Variants in CREBRF observed in about 807,000 individuals in gnomAD.
CREBRF encodes UPF0474 protein C5orf41.
CREBRF carries 5 observed loss-of-function variants against 66.1 expected under a neutral mutation model. The observed-to-expected ratio is 0.08, with a 90% CI of 0.04 to 0.16. CREBRF has a LOEUF of 0.16. Among genes scored for constraint, CREBRF ranks in the 10% least tolerant of loss-of-function variants. The pLI is 1.00. For synonymous variants in CREBRF, 229 were observed against 264.4 expected (o/e 0.87, Z 1.30); for missense variants, 531 against 744.9 (o/e 0.71, Z 3.34).
At chr5:173,084,685 A>G (rs1758077644) in intron 2 of CREBRF, among the ~76,000 whole-genome samples, 1 of 152,178 alleles carries the variant, frequency 6.6e-6, no homozygotes, top group Non-Finnish European at 1.5e-5. Flanking sequence ...TCAGTTGCCC[A>G]GGCTGGAGTG....
At chr5:173,064,154 C>G (rs1419000037) in intron 1 of CREBRF, among the ~76,000 whole-genome samples, 1 of 151,874 alleles carries the variant, frequency 6.6e-6, no homozygotes. Context: ...TTGAGGTGCT[C>G]CTTTTATAAA....
chr5:173,105,806 G>A (rs1004747908), intron 4 of CREBRF, among the ~76,000 whole-genome samples: 4 of 148,920 alleles, frequency 2.7e-5, no homozygotes, highest in Non-Finnish European at 4.5e-5. Flanking sequence ...TTTTAGTAGA[G>A]ATGGGGTTTC....
chr5:173,085,979 A>G (rs1445669325), intron 2 of CREBRF: 12 of 1,506,248 alleles, frequency 8.0e-6, no homozygotes, highest in Middle Eastern at 1.8e-4. Flanking sequence ...AAAACAGACT[A>G]GAAATACATC....
chr5:173,102,005 C>T (rs400858), intron 4 of CREBRF, among the ~76,000 whole-genome samples: 58,927 of 151,842 alleles, frequency 0.39, 12,143 homozygotes, highest in Non-Finnish European at 0.45. Flanking sequence ...GTTCCTCTAA[C>T]TGGATAATTT....
At chr5:173,074,272 G>T (rs979068753) in intron 1 of CREBRF, among the ~76,000 whole-genome samples, 4 of 146,502 alleles carry the variant, frequency 2.7e-5, no homozygotes, top group Non-Finnish European at 5.9e-5. Flanking sequence ...TTGCACTCCA[G>T]CCTAGGCAAC....
Position 173,138,845 on chromosome 5 carries a change from G to A in CREBRF, c.*5100G>A, listed in dbSNP as rs1312549964. On this transcript the variant is annotated 3_prime_UTR_variant, in exon 9 of 9. Transcript: ENST00000296953. ...AGGATTTGTCCTACAGCTTAGTATT[G>A]TGGTTGACAGCGATACTAGGGCTGA... The A allele has an allele frequency of 6.6e-6, 1 of 152,040 alleles. No individual in the cohort carries two copies. Among genetic ancestry groups the A allele is most frequent in the African/African-American group, 2.4e-5 (1 of 41,398 alleles). The allele number at this position is 152,040 out of a possible 1,614,324, so 9.4% of individuals were successfully genotyped here.
At chr5:173,074,119 A>G (rs11949238) in intron 1 of CREBRF, among the ~76,000 whole-genome samples, 102 of 152,134 alleles carry the variant, frequency 6.7e-4, no homozygotes, top group African/African-American at 2.3e-3. Flanking sequence ...CGTGACCAAC[A>G]TGGTGAAAAC....
chr5:173,104,711 CAGAGAGAG>C (rs112995190), intron 4 of CREBRF, among the ~76,000 whole-genome samples: 26 of 146,598 alleles, frequency 1.8e-4, no homozygotes, highest in East Asian at 2.0e-4. Context: ...GCAACAAATT[CAGAGAGAG>C]AGAGAGAGAG....
intron 2 of CREBRF, chr5:173,085,859 G>C: frequency 2.5e-6 from 2 of 795,888 alleles, no homozygotes; most frequent in Admixed American, 1.7e-5. Context: ...AATAGTAGAG[G>C]GGTCATCTCT....
In CREBRF at chr5:173,090,744, A is replaced by G; in HGVS notation, c.565A>G (p.Lys189Glu). Residue 189 changes from lysine to glutamate, a missense_variant, in exon 4 of 9, where the codon AAG becomes GAG. This residue lies in a region of CREBRF where 309 missense variants were observed against 341.4 expected (regional missense o/e 0.90). Coordinates refer to ENST00000296953, the MANE Select transcript of CREBRF (RefSeq NM_153607.3). This position sits in a 1 kb window ranked among gnomAD's most constrained non-coding sequence, Gnocchi z 4.5. ...AGCAGCTGCTCCTGTGTGTTCTTCTAAGACTCTGCAGGCTGAGGTCCCTTT... is the reference window on the plus strand; with the variant it reads ...AGCAGCTGCTCCTGTGTGTTCTTCTGAGACTCTGCAGGCTGAGGTCCCTTT... ...SRAAAPVCSS[K>E]TLQAEVPLSD... 6.2e-7 allele frequency: 1 copy of G among 1,614,170 alleles called. No individual in the cohort carries two copies. The highest frequency in any genetic ancestry group is 8.5e-7 in the Non-Finnish European group (1 of 1,180,022).
chr5:173,059,447 A>G (rs1159984295), intron 1 of CREBRF, among the ~76,000 whole-genome samples: 1 of 151,562 alleles, frequency 6.6e-6, no homozygotes, highest in African/African-American at 2.4e-5. Flanking sequence ...TATTTTTAGT[A>G]GAGACGGGGT....
chr5:173,100,131 A>AATTTTTTTTTTTT (rs1333613309), intron 4 of CREBRF, among the ~76,000 whole-genome samples: 1 of 42,862 alleles, frequency 2.3e-5, no homozygotes, highest in Non-Finnish European at 4.6e-5. Context: ...TATATATATA[A>AATTTTTTTTTTTT]TTTTTTTTTT....
intron 8 of CREBRF, among the ~76,000 whole-genome samples, chr5:173,129,539 T>G (rs904607281): frequency 2.0e-5 from 3 of 151,852 alleles, no homozygotes; most frequent in Non-Finnish European, 4.4e-5. Flanking sequence ...TTGGGCAACA[T>G]AAGGAGACCC....
intron 1 of CREBRF, among the ~76,000 whole-genome samples, chr5:173,061,041 C>T (rs903306836): frequency 6.6e-6 from 1 of 152,180 alleles, no homozygotes; most frequent in Non-Finnish European, 1.5e-5. Context: ...GATCTCGGCT[C>T]ACTGCAACCT....
intron 8 of CREBRF, among the ~76,000 whole-genome samples, chr5:173,132,765 A>T (rs1031677002): frequency 2.0e-5 from 3 of 147,752 alleles, no homozygotes; most frequent in Non-Finnish European, 4.5e-5. Context: ...ACACCTGGGT[A>T]ATTTTGTGTT....
intron 4 of CREBRF, among the ~76,000 whole-genome samples, chr5:173,100,128 A>ATATAATTTTTTTTTTTTT (rs1758588683): frequency 9.1e-6 from 1 of 109,650 alleles, no homozygotes; most frequent in African/African-American, 3.3e-5. Context: ...GTATATATAT[A>ATATAATTTTTTTTTTTTT]TAATTTTTTT....
chr5:173,085,826 T>C (rs1178548879), intron 2 of CREBRF: 1 of 782,230 alleles, frequency 1.3e-6, no homozygotes, highest in Non-Finnish European at 2.4e-6. Context: ...GATAGGCTTC[T>C]GTTTGTTCTT....
In CREBRF at chr5:173,061,313, ACAAAT is replaced by A. The variant is rs751554570; in HGVS notation, c.-192+4835_-192+4839del. Among the ~76,000 whole-genome samples the A allele has an allele frequency of 7.6e-4, 115 of 152,210 alleles. 1 individual carries two copies. Among genetic ancestry groups the A allele is most frequent in the Non-Finnish European group, 7.6e-4 (52 of 68,040 alleles). On this transcript the variant is annotated intron_variant, in intron 1 of 8. Transcript: ENST00000296953. ...TAGATGTTAAGGTATTTCAGAATAT[ACAAAT>A]AGACACTTTAGGTACATTTGAGCAT...
chr5:173,068,939 G>A (rs1475403954), intron 1 of CREBRF, among the ~76,000 whole-genome samples: 3 of 152,074 alleles, frequency 2.0e-5, no homozygotes, highest in Non-Finnish European at 4.4e-5. Context: ...GAGCGTGGTG[G>A]CGTGCACCTG....
Sources: allele counts gnomAD v4.1 joint callset (sites outside exome capture counted in the v4.1 genomes callset), GRCh38; gene constraint gnomAD v4.1.1; regional missense constraint gnomAD v4.1.1; non-coding constraint Gnocchi (gnomAD v3.1); transcripts MANE v1.5; gene names NCBI Gene and HGNC (gene_info 2026-07-23, HGNC 2026-07-21).